SYNJ2BP: variants seen among roughly 807,000 people sequenced by gnomAD.
SYNJ2BP encodes the protein synaptojanin 2 binding protein.
A neutral mutation model predicts 16.9 loss-of-function variants in SYNJ2BP; 10 were observed. The observed-to-expected ratio is 0.59, with a 90% CI of 0.36 to 1.00. SYNJ2BP has a LOEUF of 1.00. Ranked by LOEUF, SYNJ2BP falls within the 50% of genes least tolerant of loss-of-function variation. The pLI is 0.01. For missense variants in SYNJ2BP, 162 were observed against 186.7 expected, an observed-to-expected ratio of 0.87 and a Z score of 0.77; for synonymous variants, 54 against 68.4, an observed-to-expected ratio of 0.79 and a Z score of 1.04.
At chr14:70,393,332 G>T (rs1030142586) in intron 1 of SYNJ2BP, among the ~76,000 whole-genome samples, 1 of 152,166 alleles carries the variant, frequency 6.6e-6, no homozygotes, top group Non-Finnish European at 1.5e-5. Context: ...GGAGAAATGG[G>T]GATGCTTTTA....
At chr14:70,390,639 G>A (rs1887960038) in intron 1 of SYNJ2BP, among the ~76,000 whole-genome samples, 1 of 151,254 alleles carries the variant, frequency 6.6e-6, no homozygotes, top group African/African-American at 2.4e-5. Flanking sequence ...CTGCACTCCA[G>A]CCTGGGCGAC....
intron 1 of SYNJ2BP, among the ~76,000 whole-genome samples, chr14:70,390,978 A>G (rs1887969530): frequency 6.6e-6 from 1 of 152,146 alleles, no homozygotes; most frequent in Non-Finnish European, 1.5e-5. Context: ...TACCAAAAAT[A>G]CAAAAAATTA....
intron 1 of SYNJ2BP, among the ~76,000 whole-genome samples, chr14:70,412,548 C>T (rs1256270641): frequency 6.9e-6 from 1 of 145,360 alleles, no homozygotes; most frequent in South Asian, 2.2e-4. Flanking sequence ...AGTATATATA[C>T]AGTATATATA....
At chr14:70,411,082 G>C (rs886403014) in intron 1 of SYNJ2BP, among the ~76,000 whole-genome samples, 2 of 151,994 alleles carry the variant, frequency 1.3e-5, no homozygotes, top group Non-Finnish European at 2.9e-5. Context: ...AGTAGAAGGA[G>C]GAGACATAAG....
chr14:70,385,806 T>C (rs963050823), intron 2 of SYNJ2BP, among the ~76,000 whole-genome samples: 31 of 152,156 alleles, frequency 2.0e-4, no homozygotes, highest in African/African-American at 5.6e-4. Flanking sequence ...CAGTATAACA[T>C]AGTGGTTTAA....
Position 70,370,560 on chromosome 14 carries a change from C to G in SYNJ2BP, c.*2431G>C, listed in dbSNP as rs990868897. On this transcript the variant is annotated 3_prime_UTR_variant, in exon 4 of 4. Coordinates refer to ENST00000256366, the MANE Select transcript of SYNJ2BP (RefSeq NM_018373.3). ...GACCCAGAGGCAAGGTCTTACCGGA[C>G]CTCTTATTTTCAAAAGCCTTCCCTT... is the stretch of plus-strand genomic sequence containing the variant. 2 of 152,142 alleles carry G rather than the reference C, an allele frequency of 1.3e-5. No homozygotes were observed. The highest frequency in any genetic ancestry group is 1.3e-4 in the Admixed American group (2 of 15,268). 9.4% of individuals were successfully genotyped at this position (152,142 alleles called of 1,614,324 possible). A position where few individuals can be genotyped will look rare whatever the true frequency, so the allele number is the denominator to read the frequency against.
chr14:70,391,725 G>GA (rs879285444), intron 1 of SYNJ2BP, among the ~76,000 whole-genome samples: 30 of 151,184 alleles, frequency 2.0e-4, no homozygotes, highest in Non-Finnish European at 3.8e-4. Context: ...GCTAACTGTA[G>GA]AAAAAAAAGG....
At chr14:70,399,115 G>T (rs1225291791) in intron 1 of SYNJ2BP, among the ~76,000 whole-genome samples, 3 of 152,100 alleles carry the variant, frequency 2.0e-5, no homozygotes, top group Non-Finnish European at 2.9e-5. Context: ...GTGCTCCGCT[G>T]GCCAGGTCCC....
intron 1 of SYNJ2BP, among the ~76,000 whole-genome samples, chr14:70,409,954 TAA>T (rs71105712): frequency 0.023 from 3,326 of 146,962 alleles, 121 homozygotes; most frequent in African/African-American, 0.075. Context: ...TACAAATAAT[TAA>T]AAAAAAAAAA....
chr14:70,399,037 G>T (rs986433367), intron 1 of SYNJ2BP, among the ~76,000 whole-genome samples: 2 of 152,158 alleles, frequency 1.3e-5, no homozygotes, highest in East Asian at 3.9e-4. Context: ...CCGGGGATGC[G>T]GCCCCGCGGA....
rs1642549509 is a variant in SYNJ2BP at position 70,388,668 on chromosome 14, G to A, written c.65-62C>T. 3 of 1,417,652 alleles carry A rather than the reference G, an allele frequency of 2.1e-6. No homozygotes were observed. In the Admixed American group the frequency reaches 8.1e-5, roughly 38 times the overall value. 87.8% of individuals were successfully genotyped at this position (1,417,652 alleles called of 1,614,324 possible). On this transcript the variant is annotated intron_variant, in intron 1 of 3. Coordinates refer to ENST00000256366, the MANE Select transcript of SYNJ2BP (RefSeq NM_018373.3). ...AAGAAGAAAGAAAGAGATTAGAGAA[G>A]ATGAAGAGAAAGGGAGGGAAAGCCT...
At chr14:70,412,853 T>C (rs948560452) in intron 1 of SYNJ2BP, among the ~76,000 whole-genome samples, 2 of 152,176 alleles carry the variant, frequency 1.3e-5, no homozygotes, top group Non-Finnish European at 1.5e-5. Context: ...AGTAAGGTTG[T>C]CTTTATGGCC....
intron 1 of SYNJ2BP, among the ~76,000 whole-genome samples, chr14:70,401,402 C>A (rs573386543): frequency 6.6e-6 from 1 of 151,696 alleles, no homozygotes; most frequent in Non-Finnish European, 1.5e-5. Context: ...TTGAGACCAG[C>A]CTGGGCAATG....
chr14:70,408,477 C>A (rs1384106597), intron 1 of SYNJ2BP, among the ~76,000 whole-genome samples: 1 of 152,042 alleles, frequency 6.6e-6, no homozygotes, highest in East Asian at 1.9e-4. Flanking sequence ...TAGAAACCAG[C>A]CTGGCCAACA....
At chr14:70,389,574 T>G (rs892599080) in intron 1 of SYNJ2BP, among the ~76,000 whole-genome samples, 1 of 152,124 alleles carries the variant, frequency 6.6e-6, no homozygotes, top group African/African-American at 2.4e-5. Flanking sequence ...CCAAATGTGT[T>G]TTGAATTTTG....
At chr14:70,394,169 T>C (rs1888040518) in intron 1 of SYNJ2BP, among the ~76,000 whole-genome samples, 1 of 152,044 alleles carries the variant, frequency 6.6e-6, no homozygotes, top group Non-Finnish European at 1.5e-5. Context: ...AATGTTCATA[T>C]TCATAACACA....
chr14:70,400,558 C>T (rs1888213352), intron 1 of SYNJ2BP, among the ~76,000 whole-genome samples: 1 of 152,104 alleles, frequency 6.6e-6, no homozygotes, highest in Admixed American at 6.5e-5. Flanking sequence ...TATTCCCACA[C>T]AGAATTTTGT....
intron 2 of SYNJ2BP, among the ~76,000 whole-genome samples, chr14:70,383,788 G>A (rs1314517412): frequency 6.6e-6 from 1 of 152,146 alleles, no homozygotes; most frequent in Non-Finnish European, 1.5e-5. Flanking sequence ...AACCATGGGT[G>A]AGGAATTTCC....
rs765272888 is a variant in SYNJ2BP, at chr14:70,388,512, C to T, written c.159G>A (p.Ala53=). 1.2e-5 allele frequency: 19 copies of T among 1,596,084 alleles called. No homozygotes were observed. In the Admixed American group the frequency reaches 1.6e-4, roughly 13 times the overall value. The change falls in exon 2 of 4, where the codon GCG becomes GCA. Residue 53 remains alanine, a synonymous_variant. Transcript: ENST00000256366. ...CCTCCTGGAGCCGCCCATCCAGGGC[C>T]GCAGCCCCATTTTCTTTGATGCGGC... ...YVSRIKENGA[A]ALDGRLQEGD... is the part of the protein sequence containing the mutation.
Sources: allele counts gnomAD v4.1 joint callset (sites outside exome capture counted in the v4.1 genomes callset), GRCh38; gene constraint gnomAD v4.1.1; transcripts MANE v1.5; gene names NCBI Gene and HGNC (gene_info 2026-07-23, HGNC 2026-07-21).